Variants in SCLT1 observed in about 807,000 individuals in gnomAD.
SCLT1 encodes the protein sodium channel and clathrin linker 1.
Under a neutral mutation model 112.8 loss-of-function variants are expected in SCLT1, and 78 were observed. The ratio of observed to expected loss-of-function variants is 0.69; its 90% CI spans 0.58 to 0.83. SCLT1 has a LOEUF of 0.83. Among genes scored for constraint, SCLT1 ranks in the 40% least tolerant of loss-of-function variants. The pLI is 0.00. For missense variants in SCLT1, 747 were observed against 770.4 expected, an observed-to-expected ratio of 0.97 and a Z score of 0.36; for synonymous variants, 257 against 254.7, an observed-to-expected ratio of 1.01 and a Z score of -0.09.
intron 11 of SCLT1, among the ~76,000 whole-genome samples, chr4:128,964,858 A>C (rs1467094116): frequency 6.6e-6 from 1 of 152,188 alleles, no homozygotes; most frequent in Non-Finnish European, 1.5e-5. Flanking sequence ...GAGAAATGAA[A>C]ATAAAGGTGT....
intron 18 of SCLT1, among the ~76,000 whole-genome samples, chr4:128,918,029 C>G (rs1025868653): frequency 2.0e-5 from 3 of 152,144 alleles, no homozygotes; most frequent in Non-Finnish European, 4.4e-5. Flanking sequence ...TGGCCACAGA[C>G]CACAGATACA....
chr4:128,957,751 C>A (rs528090360), intron 12 of SCLT1, among the ~76,000 whole-genome samples: 1 of 152,254 alleles, frequency 6.6e-6, no homozygotes, highest in Admixed American at 6.5e-5. Context: ...CAGGCTTTCA[C>A]CACCATGATC....
chr4:129,059,303 C>T (rs1261970486), intron 2 of SCLT1, among the ~76,000 whole-genome samples: 1 of 152,116 alleles, frequency 6.6e-6, no homozygotes. Context: ...CAGTTAAGGA[C>T]TTACTCCTGT....
chr4:128,999,691 A>T lies in SCLT1; in HGVS notation c.530T>A (p.Phe177Tyr). 1 of 1,599,574 alleles carries T rather than the reference A, an allele frequency of 6.3e-7. No homozygotes were observed. Among genetic ancestry groups the T allele is most frequent in the Non-Finnish European group, 8.5e-7 (1 of 1,171,888 alleles). ...EHMTEAQIHV[F>Y]ESQKQKDQLF... ...GATTACCTTTTGTTTTTGACTTTCA[A>T]ATACATGAATCTGGGCCTCAGTCAT... Residue 177 changes from phenylalanine to tyrosine, a missense_variant, in exon 7 of 21, where the codon TTT (phenylalanine) becomes TAT (tyrosine). Around this residue, in one of 2 missense-constraint regions of SCLT1, gnomAD observed 723 missense variants for 721.3 expected, o/e 1.00. Transcript: ENST00000281142.
At chr4:128,992,633 T>C (rs1206024167) in intron 8 of SCLT1, among the ~76,000 whole-genome samples, 2 of 151,950 alleles carry the variant, frequency 1.3e-5, no homozygotes, top group East Asian at 3.9e-4. Flanking sequence ...ATTCTGAGGC[T>C]TGTGTTCTAC....
At chr4:129,019,973 C>T (rs982987496) in intron 5 of SCLT1, among the ~76,000 whole-genome samples, 2 of 151,970 alleles carry the variant, frequency 1.3e-5, no homozygotes, top group Non-Finnish European at 2.9e-5. Flanking sequence ...CCCTGAAGAA[C>T]TCTCCATGTG....
At position 129,071,136 on chromosome 4, in the gene SCLT1, G is replaced by A. The variant is rs981249727; in HGVS notation, c.102+11170C>T. Reference sequence around the variant, plus strand: ...CCAGTTTTATGCCACTGTGGTCTGAGAGAGTGCTTGACATAATTTCAATTT... The same window carrying A: ...CCAGTTTTATGCCACTGTGGTCTGAAAGAGTGCTTGACATAATTTCAATTT... On this transcript the variant is annotated intron_variant, in intron 2 of 20. Coordinates refer to ENST00000281142, the MANE Select transcript of SCLT1 (RefSeq NM_144643.4). Among the ~76,000 whole-genome samples, 3 of 151,900 alleles carry A rather than the reference G, an allele frequency of 2.0e-5. No homozygotes were observed. The Admixed American group carries it at 2.0e-4, about 10-fold the overall frequency.
At chr4:128,888,979 A>G (rs1477953732) in intron 19 of SCLT1, among the ~76,000 whole-genome samples, 3 of 152,230 alleles carry the variant, frequency 2.0e-5, no homozygotes, top group African/African-American at 7.2e-5. Context: ...TTTCTCCCAC[A>G]TGCCAGCAAA....
At chr4:128,893,008 T>C (rs1293375466) in intron 18 of SCLT1, among the ~76,000 whole-genome samples, 2 of 152,048 alleles carry the variant, frequency 1.3e-5, no homozygotes, top group Non-Finnish European at 2.9e-5. Flanking sequence ...AAATGACTAG[T>C]GGTCAGTCTT....
chr4:128,917,382 T>C (rs1735561459), intron 18 of SCLT1, among the ~76,000 whole-genome samples: 1 of 152,246 alleles, frequency 6.6e-6, no homozygotes, highest in African/African-American at 2.4e-5. Context: ...CAACTACTGT[T>C]TCTTAATTAT....
At chr4:128,981,142 G>T (rs1741613405) in intron 9 of SCLT1, among the ~76,000 whole-genome samples, 1 of 152,180 alleles carries the variant, frequency 6.6e-6, no homozygotes, top group African/African-American at 2.4e-5. Flanking sequence ...AGATGGATTT[G>T]TAAACACTTA....
chr4:129,000,645 C>CT (rs1195131513), intron 6 of SCLT1, among the ~76,000 whole-genome samples: 8 of 151,146 alleles, frequency 5.3e-5, no homozygotes, highest in South Asian at 2.1e-4. Flanking sequence ...TATGCTCCTA[C>CT]TTTTTTTTTA....
At chr4:128,946,707 C>T (rs762409063) in intron 15 of SCLT1, among the ~76,000 whole-genome samples, 12 of 152,054 alleles carry the variant, frequency 7.9e-5, no homozygotes, top group South Asian at 4.1e-4. Context: ...TGATGAGTAC[C>T]GTTCAATACA....
At chr4:129,054,364 T>C (rs1183614012) in intron 2 of SCLT1, among the ~76,000 whole-genome samples, 1 of 152,138 alleles carries the variant, frequency 6.6e-6, no homozygotes, top group Non-Finnish European at 1.5e-5. Flanking sequence ...GGTTCCATTT[T>C]CTCCGTCACT....
At chr4:128,981,112 G>T (rs3099898) in intron 9 of SCLT1, among the ~76,000 whole-genome samples, 1 of 152,032 alleles carries the variant, frequency 6.6e-6, no homozygotes, top group African/African-American at 2.4e-5. Context: ...CCTTCCAGGG[G>T]CTCAAAGACT....
chr4:129,092,310 T>C (rs114942714), intron 1 of SCLT1, among the ~76,000 whole-genome samples: 2,514 of 152,328 alleles, frequency 0.017, 35 homozygotes, highest in Non-Finnish European at 0.027. Flanking sequence ...ACCAGCCGTA[T>C]TGCAAGTCTT....
At position 129,043,454 on chromosome 4, in the gene SCLT1, G is replaced by C. The variant is rs773016386; in HGVS notation, c.175C>G (p.Leu59Val). The C allele has an allele frequency of 4.6e-6, 7 of 1,518,880 alleles. No homozygotes were observed. In the African/African-American group the frequency reaches 5.5e-5, roughly 12 times the overall value. The allele number at this position is 1,518,880 out of a possible 1,614,324, so 94.1% of individuals were successfully genotyped here. A position where few individuals can be genotyped will look rare whatever the true frequency, so the allele number is the denominator to read the frequency against. The change falls in exon 4 of 21, where the codon CTT becomes GTT. Residue 59 changes from leucine (L) to valine (V), a missense_variant. Physicochemically the swap from Leu to Val is conservative, Grantham distance 32. Coordinates refer to ENST00000281142, the MANE Select transcript of SCLT1 (RefSeq NM_144643.4). ...AGGTGTTTATCATACTCAGTAACAA[G>C]AGGAGCTAAAAAGCTAAAAAAAGAC... is the stretch of plus-strand genomic sequence containing the variant. ...LVFDQSFLAP[L>V]VTEYDKHLGE...
chr4:128,916,670 CACTT>C (rs1470077711), intron 18 of SCLT1, among the ~76,000 whole-genome samples: 3 of 152,154 alleles, frequency 2.0e-5, no homozygotes, highest in Non-Finnish European at 4.4e-5. Flanking sequence ...ATGCAACAGA[CACTT>C]ACTTTTTCAT....
chr4:129,020,691 T>C (rs997006231), intron 5 of SCLT1, among the ~76,000 whole-genome samples: 1 of 152,218 alleles, frequency 6.6e-6, no homozygotes, highest in Non-Finnish European at 1.5e-5. Flanking sequence ...TAGTTAAAAT[T>C]CCACGTATAT....
Sources: gnomAD v4.1 joint callset for allele counts (sites outside exome capture counted in the v4.1 genomes callset) on GRCh38, gnomAD v4.1.1 for gene constraint, gnomAD v4.1.1 regional missense constraint, MANE v1.5 for transcripts, NCBI Gene and HGNC (gene_info 2026-07-23, HGNC 2026-07-21) for gene names.